The following PEBP4 variants were observed in gnomAD, a reference collection of about 807,000 sequenced individuals.
PEBP4 encodes the protein phosphatidylethanolamine binding protein 4.
A neutral mutation model predicts 23.9 loss-of-function variants in PEBP4; 22 were observed. The ratio of observed to expected loss-of-function variants is 0.92; its 90% CI spans 0.66 to 1.31. The LOEUF is 1.31. Ranked by LOEUF, PEBP4 falls within the 40% of genes most tolerant of loss-of-function variation. The probability of loss-of-function intolerance (pLI) is 0.00; values close to 1 mark genes in which losing one functional copy is unlikely to be tolerated. For synonymous variants in PEBP4, 112 were observed against 99.3 expected (o/e 1.13, Z -0.76); for missense variants, 324 against 281.7 (o/e 1.15, Z -1.07).
At chr8:22,771,230 A>G (rs1002006245) in intron 4 of PEBP4, among the ~76,000 whole-genome samples, 1 of 152,238 alleles carries the variant, frequency 6.6e-6, no homozygotes, top group African/African-American at 2.4e-5. Flanking sequence ...ACAGTGGCTC[A>G]CACCACTGAG....
rs570625637 is a variant in PEBP4 at position 22,936,391 on chromosome 8, C to T, written c.145-8671G>A. Among the ~76,000 whole-genome samples, 12 of 152,036 alleles carry T rather than the reference C, an allele frequency of 7.9e-5. No homozygotes were observed. In the South Asian group the frequency reaches 2.5e-3, roughly 32 times the overall value. ...CAAATTCCTGGAAACATAAAACCTA[C>T]CAAGACTGAATCATAAAGAGATGGA... is the stretch of plus-strand genomic sequence containing the variant. On this transcript the variant is annotated intron_variant, in intron 1 of 1. Transcript: ENST00000522278.
intron 3 of PEBP4, among the ~76,000 whole-genome samples, chr8:22,908,393 CAA>C (rs11356446): frequency 2.1e-5 from 3 of 141,808 alleles, no homozygotes; most frequent in Admixed American, 1.4e-4. Flanking sequence ...AACAAACAAA[CAA>C]AAAAAAAAAC....
chr8:22,719,091 G>C (rs192783831), intron 6 of PEBP4, among the ~76,000 whole-genome samples: 3 of 152,164 alleles, frequency 2.0e-5, no homozygotes, highest in Non-Finnish European at 2.9e-5. Flanking sequence ...ACCCCTGTGG[G>C]TGGGTGGTTC....
chr8:22,747,832 C>G (rs1289682516), intron 4 of PEBP4, among the ~76,000 whole-genome samples: 1 of 152,164 alleles, frequency 6.6e-6, no homozygotes, highest in East Asian at 1.9e-4. Flanking sequence ...GGAAAGCCTT[C>G]CCACAGAGGC....
chr8:22,928,125 T>C (rs1479058931), upstream of PEBP4, among the ~76,000 whole-genome samples: 1 of 152,262 alleles, frequency 6.6e-6, no homozygotes, highest in African/African-American at 2.4e-5. Context: ...AGCCTGCTCC[T>C]TGGCTGTAAG....
At chr8:22,715,220 T>C (rs1393938596) in intron 6 of PEBP4, among the ~76,000 whole-genome samples, 3 of 152,190 alleles carry the variant, frequency 2.0e-5, no homozygotes, top group African/African-American at 7.2e-5. Context: ...GCCAAGGTGC[T>C]GAGAAAGCCT....
At chr8:22,859,792 A>G (rs1207150911) in intron 3 of PEBP4, among the ~76,000 whole-genome samples, 2 of 151,834 alleles carry the variant, frequency 1.3e-5, no homozygotes, top group Non-Finnish European at 2.9e-5. Flanking sequence ...CTTGCATACA[A>G]CCTACACTCT....
intron 3 of PEBP4, chr8:22,887,116 G>GTGTA (rs1491245606): frequency 1.6e-5 from 2 of 128,570 alleles, no homozygotes; most frequent in African/African-American, 5.6e-5. Flanking sequence ...GTGTGTGTGT[G>GTGTA]TATGTGTGTG....
intron 4 of PEBP4, 147 bp downstream of exon 4, chr8:22,817,490 G>A (rs1806767562): frequency 1.4e-6 from 1 of 717,742 alleles, no homozygotes; most frequent in Admixed American, 2.5e-5. Flanking sequence ...GAAAACTTGG[G>A]AGGGCTTTGA....
intron 6 of PEBP4, among the ~76,000 whole-genome samples, 161 bp downstream of exon 6, chr8:22,724,682 G>A (rs568036341): frequency 6.6e-5 from 10 of 152,290 alleles, no homozygotes; most frequent in African/African-American, 2.4e-4. Flanking sequence ...CATCTTTAGG[G>A]CACTCCTTCC....
intron 4 of PEBP4, among the ~76,000 whole-genome samples, chr8:22,805,500 A>G (rs1396875440): frequency 1.3e-5 from 2 of 152,030 alleles, no homozygotes; most frequent in Non-Finnish European, 2.9e-5. Flanking sequence ...GTAATTTTGT[A>G]TTTTTAATAG....
intron 3 of PEBP4, among the ~76,000 whole-genome samples, chr8:22,902,269 C>T (rs765654074): frequency 1.3e-5 from 2 of 152,138 alleles, no homozygotes; most frequent in Non-Finnish European, 2.9e-5. Context: ...GCGGAGGTTG[C>T]GGTGAGCCGA....
intron 3 of PEBP4, among the ~76,000 whole-genome samples, chr8:22,848,087 C>T (rs1489286725): frequency 6.6e-6 from 1 of 152,044 alleles, no homozygotes; most frequent in Admixed American, 6.6e-5. Context: ...CCGTTTTATG[C>T]CTCATTACCT....
At chr8:22,827,036 G>C (rs764866735) in intron 3 of PEBP4, among the ~76,000 whole-genome samples, 1 of 152,168 alleles carries the variant, frequency 6.6e-6, no homozygotes, top group Non-Finnish European at 1.5e-5. Context: ...AGAGCTCAGA[G>C]AACCCTCATT....
intron 2 of PEBP4, chr8:22,925,108 G>C (rs1809296793): frequency 2.0e-6 from 2 of 985,246 alleles, no homozygotes; most frequent in South Asian, 4.7e-5. Flanking sequence ...ATCTGTCCTT[G>C]ATGCATTTTT....
intron 3 of PEBP4, among the ~76,000 whole-genome samples, chr8:22,832,159 C>A (rs956075174): frequency 1.3e-5 from 2 of 152,132 alleles, no homozygotes; most frequent in Non-Finnish European, 2.9e-5. Context: ...TGTGCCACAC[C>A]CTCTGTAGTG....
intron 3 of PEBP4, among the ~76,000 whole-genome samples, chr8:22,819,860 C>T (rs1806821029): frequency 1.3e-5 from 2 of 152,186 alleles, no homozygotes; most frequent in Non-Finnish European, 2.9e-5. Context: ...CCTGCCTCGG[C>T]CTCCCAAAGT....
At chr8:22,713,858 G>T (rs966349649) in intron 6 of PEBP4, among the ~76,000 whole-genome samples, 1 of 151,846 alleles carries the variant, frequency 6.6e-6, no homozygotes, top group African/African-American at 2.4e-5. Context: ...CCGCTCCCGG[G>T]CAGAAAGGAA....
At position 22,927,498 on chromosome 8, in the gene PEBP4, C is replaced by T. The variant is rs531097798; in HGVS notation, c.131+86G>A. Reference sequence around the variant, plus strand: ...ATAAAATCAGGCTCAGGAGATGGTGCTTCTTGGTTCTGGATATACCCCTCC... The same window carrying T: ...ATAAAATCAGGCTCAGGAGATGGTGTTTCTTGGTTCTGGATATACCCCTCC... On this transcript the variant is annotated intron_variant, in intron 2 of 6. Coordinates refer to ENST00000256404, the MANE Select transcript of PEBP4 (RefSeq NM_144962.3). 4.7e-5 allele frequency: 69 copies of T among 1,453,732 alleles called. 1 individual carries two copies. In the South Asian group the frequency reaches 6.1e-4, roughly 13 times the overall value. The allele number at this position is 1,453,732 out of a possible 1,614,324, so 90.1% of individuals were successfully genotyped here.
Sources: allele counts gnomAD v4.1 joint callset (sites outside exome capture counted in the v4.1 genomes callset), GRCh38; gene constraint gnomAD v4.1.1; transcripts MANE v1.5; gene names NCBI Gene and HGNC (gene_info 2026-07-23, HGNC 2026-07-21).